The following SLC36A1 variants were observed in gnomAD, a reference collection of about 807,000 sequenced individuals.
The protein encoded by SLC36A1 is solute carrier family 36 member 1, also known as proton-coupled amino acid transporter 1.
A neutral mutation model predicts 47.5 loss-of-function variants in SLC36A1; 30 were observed. The observed-to-expected ratio is 0.63, with a 90% CI of 0.47 to 0.86. The LOEUF (loss-of-function observed/expected upper bound fraction) is 0.86, where lower values mean the gene tolerates loss of function less well. Among genes scored for constraint, SLC36A1 ranks in the 40% least tolerant of loss-of-function variants. The probability of loss-of-function intolerance (pLI) is 0.00; values close to 1 mark genes in which losing one functional copy is unlikely to be tolerated. For missense variants in SLC36A1, 517 were observed against 606.0 expected, an observed-to-expected ratio of 0.85 and a Z score of 1.54; for synonymous variants, 255 against 249.7, an observed-to-expected ratio of 1.02 and a Z score of -0.20.
At chr5:151,361,102 G>A in the SLC36A1 span, among the ~76,000 whole-genome samples, 1 of 152,076 alleles carries the variant, frequency 6.6e-6, no homozygotes, top group Non-Finnish European at 1.5e-5. Context: ...AGGCTTTTAT[G>A]GTTTTTTCTA....
chr5:151,443,850 G>A (rs556969172), upstream of SLC36A1, among the ~76,000 whole-genome samples: 1 of 152,162 alleles, frequency 6.6e-6, no homozygotes, highest in Non-Finnish European at 1.5e-5. Flanking sequence ...TATGTACGGT[G>A]TAAGATAAAC....
chr5:151,364,786 G>A, the SLC36A1 span, among the ~76,000 whole-genome samples: 4 of 152,174 alleles, frequency 2.6e-5, no homozygotes, highest in African/African-American at 7.2e-5. Context: ...GGAAGCAGGA[G>A]CTCCAAGGAC....
At chr5:151,468,243 C>T (rs1270608142) in intron 7 of SLC36A1, among the ~76,000 whole-genome samples, 4 of 57,472 alleles carry the variant, frequency 7.0e-5, no homozygotes, top group Admixed American at 5.6e-4. Context: ...CAGAGCAAGA[C>T]TCTGTCTCAA....
At chr5:151,537,179 A>G in the SLC36A1 span, among the ~76,000 whole-genome samples, 1 of 151,604 alleles carries the variant, frequency 6.6e-6, no homozygotes, top group Admixed American at 6.6e-5. Flanking sequence ...AAATACAGAA[A>G]GAAAGAAGAG....
the SLC36A1 span, chr5:151,380,851 C>A: frequency 2.2e-6 from 1 of 451,450 alleles, no homozygotes; most frequent in Non-Finnish European, 4.4e-6. Context: ...CTCCAGGACA[C>A]AGCAAAACAA....
the SLC36A1 span, among the ~76,000 whole-genome samples, chr5:151,366,155 G>T: frequency 2.6e-5 from 4 of 152,216 alleles, no homozygotes; most frequent in African/African-American, 4.8e-5. Flanking sequence ...AACTGAATTT[G>T]TGAAGTTGAG....
chr5:151,537,580 A>AC, the SLC36A1 span, among the ~76,000 whole-genome samples: 1 of 152,022 alleles, frequency 6.6e-6, no homozygotes, highest in Admixed American at 6.6e-5. Context: ...TGATTCAATG[A>AC]CCCCCTTTCC....
the SLC36A1 span, chr5:151,380,649 C>T: frequency 7.2e-6 from 4 of 553,074 alleles, no homozygotes; most frequent in African/African-American, 7.6e-5. Context: ...CTCACATCGT[C>T]AACCCAGCCC....
chr5:151,347,546 C>T, the SLC36A1 span: 1 of 1,530,660 alleles, frequency 6.5e-7, no homozygotes, highest in Non-Finnish European at 9.0e-7. Flanking sequence ...TGTAGATGTA[C>T]ACCCCAGCAC....
chr5:151,407,817 G>T, the SLC36A1 span, among the ~76,000 whole-genome samples: 1 of 152,184 alleles, frequency 6.6e-6, no homozygotes, highest in African/African-American at 2.4e-5. Context: ...GAAAGGAGAA[G>T]GAAGGTCCTT....
the SLC36A1 span, chr5:151,553,158 G>T: frequency 6.2e-7 from 1 of 1,612,982 alleles, no homozygotes; most frequent in Non-Finnish European, 8.5e-7. Flanking sequence ...CCCTTGTTGG[G>T]CCCTAGGCCT....
At chr5:151,461,241 C>T (rs543847561) in intron 2 of SLC36A1, among the ~76,000 whole-genome samples, 11 of 151,242 alleles carry the variant, frequency 7.3e-5, no homozygotes, top group African/African-American at 2.2e-4. Context: ...CCGCCTGCCT[C>T]GGCCTCCCAA....
the SLC36A1 span, among the ~76,000 whole-genome samples, chr5:151,363,781 A>T: frequency 6.6e-6 from 1 of 152,202 alleles, no homozygotes; most frequent in Non-Finnish European, 1.5e-5. Context: ...CCATGGTGTT[A>T]TTCAAGATTT....
At chr5:151,532,813 C>T in the SLC36A1 span, among the ~76,000 whole-genome samples, 33 of 152,290 alleles carry the variant, frequency 2.2e-4, no homozygotes, top group Non-Finnish European at 3.2e-4. Flanking sequence ...GATGAACACA[C>T]GCCCTGAGCC....
At chr5:151,356,644 C>A in the SLC36A1 span, among the ~76,000 whole-genome samples, 9 of 152,198 alleles carry the variant, frequency 5.9e-5, no homozygotes, top group East Asian at 1.5e-3. Context: ...TCAAGTACCC[C>A]CCTCTCATCC....
chr5:151,424,618 T>C, the SLC36A1 span, among the ~76,000 whole-genome samples: 1 of 152,228 alleles, frequency 6.6e-6, no homozygotes. Flanking sequence ...ATGAGTCTTA[T>C]GGAATTCCTA....
the SLC36A1 span, among the ~76,000 whole-genome samples, chr5:151,377,549 G>T: frequency 6.6e-5 from 10 of 151,194 alleles, no homozygotes; most frequent in Middle Eastern, 3.4e-3. Context: ...GGGTTTCACC[G>T]TGTTAGCCAG....
chr5:151,513,166 T>C, the SLC36A1 span, among the ~76,000 whole-genome samples: 23 of 152,208 alleles, frequency 1.5e-4, no homozygotes, highest in African/African-American at 5.1e-4. Flanking sequence ...GAAGTAAATA[T>C]GAGAAGCCAG....
At chr5:151,485,732 C>T (rs961111386) in intron 10 of SLC36A1, among the ~76,000 whole-genome samples, 1 of 152,168 alleles carries the variant, frequency 6.6e-6, no homozygotes, top group African/African-American at 2.4e-5. Flanking sequence ...GCAGATTCAC[C>T]TCCACTAGTG....
Sources: gnomAD v4.1 joint callset for allele counts (sites outside exome capture counted in the v4.1 genomes callset) on GRCh38, gnomAD v4.1.1 for gene constraint, MANE v1.5 for transcripts, NCBI Gene and HGNC (gene_info 2026-07-23, HGNC 2026-07-21) for gene names.